The following MTUS1 variants were observed in gnomAD, a reference collection of about 807,000 sequenced individuals.
MTUS1 encodes microtubule associated scaffold protein 1.
In MTUS1, 109 loss-of-function variants were observed where a neutral mutation model predicts 120.8. The observed-to-expected ratio is 0.90, with a 90% CI of 0.77 to 1.06. MTUS1 has a LOEUF of 1.06. Ranked by LOEUF, MTUS1 falls within the 50% of genes least tolerant of loss-of-function variation. MTUS1 has a pLI of 0.00. For missense variants in MTUS1, 2,210 were observed against 1,486.3 expected, an observed-to-expected ratio of 1.49 and a Z score of -8.01; for synonymous variants, 737 against 550.5, an observed-to-expected ratio of 1.34 and a Z score of -4.74.
chr8:17,742,584 C>T (rs1174622338), intron 3 of MTUS1, among the ~76,000 whole-genome samples: 1 of 152,062 alleles, frequency 6.6e-6, no homozygotes, highest in Non-Finnish European at 1.5e-5. Context: ...GGGATGGAGC[C>T]ATGTGCTGCA....
intron 1 of MTUS1, among the ~76,000 whole-genome samples, chr8:17,785,201 C>A (rs1047961381): frequency 5.1e-5 from 1 of 19,706 alleles, no homozygotes; most frequent in African/African-American, 7.8e-5. Context: ...CTTCAAAGAG[C>A]CTCCAAAGAG....
rs1350127559 is a variant in MTUS1, at chr8:17,684,544, TG to T, written c.2624-3del. 1 of 1,611,804 alleles carries T rather than the reference TG, an allele frequency of 6.2e-7. No homozygotes were observed. The highest frequency in any genetic ancestry group is 1.7e-5 in the Admixed American group (1 of 60,016). On this transcript the variant is annotated splice_region_variant and splice_polypyrimidine_tract_variant and intron_variant, in intron 6 of 14. Coordinates refer to ENST00000693296, the MANE Select transcript of MTUS1 (RefSeq NM_001363059.2). ...GATTCTTTTGCCTGCTCTTTTCAAC[TG>T]CAAAACGAATTAACATAGGTACAAA...
chr8:17,742,774 A>G (rs1418580828), intron 3 of MTUS1, among the ~76,000 whole-genome samples: 1 of 152,176 alleles, frequency 6.6e-6, no homozygotes, highest in Non-Finnish European at 1.5e-5. Context: ...AGGTACAGAG[A>G]TCTTCTGGGA....
At chr8:17,774,405 C>T (rs2050252239) in intron 1 of MTUS1, among the ~76,000 whole-genome samples, 1 of 152,224 alleles carries the variant, frequency 6.6e-6, no homozygotes, top group East Asian at 1.9e-4. Context: ...AGGATAAGGA[C>T]TGGGGAAGAA....
intron 1 of MTUS1, among the ~76,000 whole-genome samples, chr8:17,759,031 G>A (rs992580858): frequency 2.6e-5 from 4 of 151,942 alleles, no homozygotes; most frequent in South Asian, 4.1e-4. Context: ...ACAGGCGCCC[G>A]CCACCATGCC....
chr8:17,739,002 G>A (rs916158809), intron 3 of MTUS1, among the ~76,000 whole-genome samples: 21 of 151,656 alleles, frequency 1.4e-4, no homozygotes, highest in Non-Finnish European at 2.2e-4. Context: ...AATCAGCTGG[G>A]CATGCTGACA....
chr8:17,648,045 T>A (rs567306083), intron 13 of MTUS1, among the ~76,000 whole-genome samples: 1 of 152,156 alleles, frequency 6.6e-6, no homozygotes, highest in Non-Finnish European at 1.5e-5. Flanking sequence ...GATTCCCAGA[T>A]AAAACAACGT....
intron 6 of MTUS1, among the ~76,000 whole-genome samples, chr8:17,690,470 G>C (rs1450824717): frequency 6.6e-6 from 1 of 152,154 alleles, no homozygotes; most frequent in East Asian, 1.9e-4. Flanking sequence ...ATGGAAAACA[G>C]TATGGAGATT....
rs1053160003 is a variant in MTUS1 at position 17,683,189 on chromosome 8, A to G, written c.2838+1139T>C. Among the ~76,000 whole-genome samples, 25 of 152,184 alleles carry G rather than the reference A, an allele frequency of 1.6e-4. No homozygotes were observed. In the East Asian group the frequency reaches 3.1e-3, roughly 19 times the overall value. On this transcript the variant is annotated intron_variant, in intron 7 of 14. Coordinates refer to ENST00000693296, the MANE Select transcript of MTUS1 (RefSeq NM_001363059.2). The stretch of plus-strand genomic sequence containing the variant: ...CGGGAGGCTGAGGCAGGAGAATGGC[A>G]TGAACCCGGGAGATAGAGCTTGTAG...
chr8:17,677,249 A>G (rs186701206), intron 7 of MTUS1, among the ~76,000 whole-genome samples: 1 of 152,356 alleles, frequency 6.6e-6, no homozygotes, highest in Admixed American at 6.5e-5. Context: ...ACTTCTCGTA[A>G]TATCAAATTT....
At chr8:17,714,997 C>G (rs1278649890) in intron 5 of MTUS1, among the ~76,000 whole-genome samples, 4 of 147,086 alleles carry the variant, frequency 2.7e-5, no homozygotes, top group Non-Finnish European at 5.9e-5. Flanking sequence ...CCTCTGCCTC[C>G]TGGGTTCAAG....
intron 4 of MTUS1, among the ~76,000 whole-genome samples, chr8:17,718,966 T>A (rs1405452608): frequency 1.3e-5 from 2 of 152,042 alleles, no homozygotes; most frequent in African/African-American, 4.8e-5. Context: ...GGCCAGGAGT[T>A]TGAGACCAGC....
intron 14 of MTUS1, among the ~76,000 whole-genome samples, chr8:17,646,650 T>C (rs531160572): frequency 4.6e-5 from 7 of 152,308 alleles, no homozygotes; most frequent in South Asian, 4.1e-4. Context: ...AGAGCCACTT[T>C]TGCAAATATT....
chr8:17,740,201 C>G (rs570230460), intron 3 of MTUS1, among the ~76,000 whole-genome samples: 111 of 151,206 alleles, frequency 7.3e-4, no homozygotes, highest in African/African-American at 2.4e-3. Context: ...GAGCGAGACT[C>G]CGTCTCAAAA....
rs527313767 is a variant in MTUS1, at chr8:17,646,966, A to C, written c.3599+16T>G. 1 of 1,596,236 alleles carries C rather than the reference A, an allele frequency of 6.3e-7. No homozygotes were observed. The highest frequency in any genetic ancestry group is 8.6e-7 in the Non-Finnish European group (1 of 1,163,856). On this transcript the variant is annotated intron_variant, in intron 14 of 14. Transcript: ENST00000693296. ...GAGCGGGGAGCTCGGGAGAAACAGC[A>C]CTGTTTTATTTTTACCTTGAGATTG...
chr8:17,760,056 C>CTTT (rs58249092), intron 1 of MTUS1, among the ~76,000 whole-genome samples: 5 of 95,482 alleles, frequency 5.2e-5, no homozygotes, highest in African/African-American at 1.4e-4. Flanking sequence ...GATTTCTTTT[C>CTTT]TTTTTTTTTT....
intron 3 of MTUS1, among the ~76,000 whole-genome samples, chr8:17,742,117 G>A (rs2047359859): frequency 6.6e-6 from 1 of 152,008 alleles, no homozygotes; most frequent in Non-Finnish European, 1.5e-5. Context: ...AAGGGACAGG[G>A]TTTTGCTCTG....
chr8:17,695,319 G>C (rs191573872), intron 6 of MTUS1, among the ~76,000 whole-genome samples: 199 of 152,160 alleles, frequency 1.3e-3, no homozygotes, highest in African/African-American at 4.6e-3. Flanking sequence ...AAATATGTAC[G>C]CCAAAAATTC....
chr8:17,763,320 T>C (rs529945500), intron 1 of MTUS1, among the ~76,000 whole-genome samples: 8 of 152,302 alleles, frequency 5.3e-5, no homozygotes, highest in African/African-American at 1.7e-4. Context: ...ATACAGACTT[T>C]CTCTACATTT....
Sources: gnomAD v4.1 joint callset for allele counts (sites outside exome capture counted in the v4.1 genomes callset) on GRCh38, gnomAD v4.1.1 for gene constraint, MANE v1.5 for transcripts, NCBI Gene and HGNC (gene_info 2026-07-23, HGNC 2026-07-21) for gene names.